The following PLCB4 variants were observed in gnomAD, a reference collection of about 807,000 sequenced individuals.
PLCB4 encodes 1-phosphatidylinositol 4,5-bisphosphate phosphodiesterase beta-4.
In PLCB4, 77 loss-of-function variants were observed where a neutral mutation model predicts 178.8. The observed-to-expected ratio is 0.43, with a 90% CI of 0.36 to 0.52. The LOEUF is 0.52. Among genes scored for constraint, PLCB4 ranks in the 20% least tolerant of loss-of-function variants. The probability of loss-of-function intolerance (pLI) is 0.00; values close to 1 mark genes in which losing one functional copy is unlikely to be tolerated. For missense variants in PLCB4, 1,024 were observed against 1,453.4 expected, an observed-to-expected ratio of 0.70 and a Z score of 4.80; for synonymous variants, 496 against 490.8, an observed-to-expected ratio of 1.01 and a Z score of -0.14.
chr20:9,092,542 A>T (rs910981239), intron 1 of PLCB4, among the ~76,000 whole-genome samples: 2 of 152,166 alleles, frequency 1.3e-5, no homozygotes, highest in Non-Finnish European at 2.9e-5. Context: ...CTCAGGATAC[A>T]GAAGGGGGAA....
chr20:9,094,873 C>T (rs1007469673), intron 1 of PLCB4, among the ~76,000 whole-genome samples: 1 of 152,140 alleles, frequency 6.6e-6, no homozygotes, highest in African/African-American at 2.4e-5. Context: ...TCTTGGCTTT[C>T]TTTTGTTAGC....
rs772048538 is a variant in PLCB4 at position 9,338,002 on chromosome 20, C to T, written c.166-6C>T. ...CTCATTGCTGTGTTGTATTCTCTCT[C>T]TTCAGGAAGGACAGGTGCTAGAATG... On this transcript the variant is annotated splice_region_variant and splice_polypyrimidine_tract_variant and intron_variant, in intron 5 of 39. Transcript: ENST00000378473. 6.2e-7 allele frequency: 1 copy of T among 1,609,072 alleles called. No homozygotes were observed. Among genetic ancestry groups the T allele is most frequent in the South Asian group, 1.1e-5 (1 of 90,982 alleles).
chr20:9,307,870 A>G lies in PLCB4; in HGVS notation c.56A>G (p.Glu19Gly), dbSNP rs775714974. Reference protein sequence around the residue: ...WQKEVPSFLQEGAVFDRYEEE... With the variant: ...WQKEVPSFLQGGAVFDRYEEE... ...AAGGAAGTTCCCTCCTTTTTGCAAG[A>G]AGGAGCAGTTTTTGACAGATACGAG... Residue 19 changes from glutamate to glycine, a missense_variant, in exon 4 of 40, where the codon GAA (glutamate) becomes GGA (glycine). By Grantham distance (98) the Glu-to-Gly change is moderately conservative (BLOSUM62 -2). This residue lies in a region of PLCB4 where 225 missense variants were observed against 291.0 expected (regional missense o/e 0.77). Transcript: ENST00000378473. 6.3e-7 allele frequency: 1 copy of G among 1,585,298 alleles called. No homozygotes were observed. The highest frequency in any genetic ancestry group is 8.7e-7 in the Non-Finnish European group (1 of 1,155,014).
At chr20:9,126,855 A>AAACCATT (rs1253579260) in intron 2 of PLCB4, among the ~76,000 whole-genome samples, 3 of 151,880 alleles carry the variant, frequency 2.0e-5, no homozygotes, top group African/African-American at 7.3e-5. Context: ...TCTTGAGAGA[A>AAACCATT]AACCATTTTA....
intron 2 of PLCB4, among the ~76,000 whole-genome samples, chr20:9,181,198 A>G (rs1281380934): frequency 6.6e-6 from 1 of 152,172 alleles, no homozygotes; most frequent in African/African-American, 2.4e-5. Flanking sequence ...TATTCATGAT[A>G]TTAGTCTTTT....
intron 3 of PLCB4, among the ~76,000 whole-genome samples, chr20:9,291,089 T>C (rs1363573448): frequency 6.6e-6 from 1 of 152,168 alleles, no homozygotes; most frequent in African/African-American, 2.4e-5. Flanking sequence ...TAATATTAAT[T>C]GTGGAAATAG....
chr20:9,441,617 C>G (rs1048966381), intron 30 of PLCB4, among the ~76,000 whole-genome samples: 2 of 152,122 alleles, frequency 1.3e-5, no homozygotes, highest in Non-Finnish European at 2.9e-5. Context: ...ACTCTGGGGG[C>G]TGGTATTGGA....
rs2041690470 is a variant in PLCB4 at position 9,435,286 on chromosome 20, T to G, written c.2525-274T>G. Among the ~76,000 whole-genome samples the G allele has an allele frequency of 2.0e-5, 3 of 152,326 alleles. No individual in the cohort carries two copies. In the South Asian group the frequency reaches 6.2e-4, roughly 32 times the overall value. ...CTAGAACCCACACACTTCACTCAGT[T>G]TGTCCTGACACTTTGCCTCCTTCAT... On this transcript the variant is annotated intron_variant, in intron 28 of 39. Coordinates refer to ENST00000378473, the MANE Select transcript of PLCB4 (RefSeq NM_001377142.1).
At chr20:9,315,095 A>G (rs1016626729) in intron 4 of PLCB4, among the ~76,000 whole-genome samples, 1 of 152,084 alleles carries the variant, frequency 6.6e-6, no homozygotes, top group Non-Finnish European at 1.5e-5. Flanking sequence ...CAGAAAGTCT[A>G]TTTACACAGA....
At chr20:9,079,232 C>T (rs1490351672) in intron 1 of PLCB4, among the ~76,000 whole-genome samples, 1 of 152,156 alleles carries the variant, frequency 6.6e-6, no homozygotes, top group East Asian at 1.9e-4. Context: ...CAGGGCCCTG[C>T]TGGGGAACAG....
At chr20:9,222,918 A>G (rs538598796) in intron 3 of PLCB4, among the ~76,000 whole-genome samples, 56 of 152,334 alleles carry the variant, frequency 3.7e-4, no homozygotes, top group African/African-American at 1.3e-3. Flanking sequence ...ACCGTGGTCC[A>G]GAGAGAGTGA....
intron 2 of PLCB4, among the ~76,000 whole-genome samples, chr20:9,200,559 T>C (rs1193107529): frequency 6.6e-6 from 1 of 152,184 alleles, no homozygotes; most frequent in African/African-American, 2.4e-5. Context: ...TAATTGAAAA[T>C]CAGATCCAAT....
At chr20:9,095,734 T>G (rs1248767876) in intron 1 of PLCB4, among the ~76,000 whole-genome samples, 1 of 152,162 alleles carries the variant, frequency 6.6e-6, no homozygotes, top group African/African-American at 2.4e-5. Context: ...AGTTTTTTTG[T>G]AATCTAAAAG....
intron 7 of PLCB4, among the ~76,000 whole-genome samples, chr20:9,342,038 G>A (rs748729486): frequency 3.3e-5 from 5 of 152,072 alleles, no homozygotes; most frequent in Non-Finnish European, 7.4e-5. Flanking sequence ...ATTGACACTG[G>A]AGAAAATATT....
intron 1 of PLCB4, among the ~76,000 whole-genome samples, chr20:9,094,978 G>A (rs2090844468): frequency 6.6e-6 from 1 of 152,138 alleles, no homozygotes; most frequent in Non-Finnish European, 1.5e-5. Flanking sequence ...CAGTACTGCT[G>A]GTTGACATAT....
chr20:9,438,955 T>C (rs543298593), intron 30 of PLCB4, among the ~76,000 whole-genome samples: 146 of 152,264 alleles, frequency 9.6e-4, no homozygotes, highest in African/African-American at 3.4e-3. Context: ...ATAAGGAAGA[T>C]CTGAATCAAC....
In PLCB4 at chr20:9,457,406, A is replaced by G. The variant is rs768304064; in HGVS notation, c.2997-8A>G. 20 of 1,430,234 alleles carry G rather than the reference A, an allele frequency of 1.4e-5. No individual in the cohort carries two copies. In the Admixed American group the frequency reaches 2.2e-4, roughly 16 times the overall value. The allele number at this position is 1,430,234 out of a possible 1,614,324, so 88.6% of individuals were successfully genotyped here. Reference sequence around the variant, plus strand: ...TTCTGGCATGCATTTGCAACTTTCCATTTTCAGGGGAAGTAATTGTCTCGA... The same window carrying G: ...TTCTGGCATGCATTTGCAACTTTCCGTTTTCAGGGGAAGTAATTGTCTCGA... On this transcript the variant is annotated splice_polypyrimidine_tract_variant and splice_region_variant and intron_variant, in intron 33 of 39. Coordinates refer to ENST00000378473, the MANE Select transcript of PLCB4 (RefSeq NM_001377142.1).
chr20:9,070,366 C>T (rs779851088), intron 1 of PLCB4, among the ~76,000 whole-genome samples: 2 of 152,122 alleles, frequency 1.3e-5, no homozygotes, highest in Non-Finnish European at 1.5e-5. Flanking sequence ...TTCAAGACGG[C>T]TGTTTTCAGA....
intron 3 of PLCB4, among the ~76,000 whole-genome samples, chr20:9,260,396 G>T (rs1044319859): frequency 6.6e-6 from 1 of 151,962 alleles, no homozygotes; most frequent in Non-Finnish European, 1.5e-5. Context: ...TTTTGGCAGG[G>T]GTTGTTGAAT....
Sources: allele counts gnomAD v4.1 joint callset (sites outside exome capture counted in the v4.1 genomes callset), GRCh38; gene constraint gnomAD v4.1.1; regional missense constraint gnomAD v4.1.1; transcripts MANE v1.5; gene names NCBI Gene and HGNC (gene_info 2026-07-23, HGNC 2026-07-21).